CAMKMT: variants seen among roughly 807,000 people sequenced by gnomAD.
CAMKMT encodes the protein calmodulin-lysine N-methyltransferase.
In CAMKMT, 53 loss-of-function variants were observed where a neutral mutation model predicts 48.0. The ratio of observed to expected loss-of-function variants is 1.10; its 90% CI spans 0.89 to 1.39. CAMKMT has a LOEUF of 1.39. CAMKMT is among the 40% of genes most tolerant of loss of function. The pLI, the probability that CAMKMT is intolerant of heterozygous loss-of-function variation, is 0.00. For missense variants in CAMKMT, 428 were observed against 402.7 expected (o/e 1.06, Z -0.54); for synonymous variants, 165 against 152.3 (o/e 1.08, Z -0.61).
intron 7 of CAMKMT, among the ~76,000 whole-genome samples, chr2:44,722,408 T>A (rs1241874258): frequency 2.0e-5 from 3 of 152,104 alleles, no homozygotes; most frequent in African/African-American, 7.2e-5. Context: ...GTAAAATTGG[T>A]CCAGAATTTT....
Sources: allele counts gnomAD v4.1 joint callset (sites outside exome capture counted in the v4.1 genomes callset), GRCh38; gene constraint gnomAD v4.1.1; transcripts MANE v1.5; gene names NCBI Gene and HGNC (gene_info 2026-07-23, HGNC 2026-07-21).